NR3C1: variants seen among roughly 807,000 people sequenced by gnomAD.
The protein encoded by NR3C1 is nuclear receptor subfamily 3 group C member 1.
A neutral mutation model predicts 74.0 loss-of-function variants in NR3C1; 14 were observed. The ratio of observed to expected loss-of-function variants is 0.19; its 90% confidence interval spans 0.12 to 0.30. NR3C1 has a LOEUF of 0.30. Ranked by LOEUF, NR3C1 falls within the 10% of genes least tolerant of loss-of-function variation. NR3C1 has a pLI of 1.00. For missense variants in NR3C1, 695 were observed against 909.8 expected, an observed-to-expected ratio of 0.76 and a Z score of 3.04; for synonymous variants, 308 against 332.5, an observed-to-expected ratio of 0.93 and a Z score of 0.80.
intron 7 of NR3C1, chr5:143,294,831 A>T (rs945413587): frequency 1.4e-6 from 1 of 722,024 alleles, no homozygotes; most frequent in Non-Finnish European, 1.7e-6. Context: ...ATTTCTTTTT[A>T]GTCCTCAATA....
chr5:143,322,651 C>T (rs1823627104), intron 2 of NR3C1, among the ~76,000 whole-genome samples: 1 of 152,072 alleles, frequency 6.6e-6, no homozygotes, highest in African/African-American at 2.4e-5. Flanking sequence ...CCTAAAAAGA[C>T]ATTTATAAAA....
intron 7 of NR3C1, among the ~76,000 whole-genome samples, chr5:143,291,894 A>G (rs1022393259): frequency 2.6e-5 from 4 of 152,178 alleles, no homozygotes; most frequent in Admixed American, 1.3e-4. Flanking sequence ...CCTACTAATC[A>G]TAGGTATTGT....
At chr5:143,317,646 G>C (rs981927579) in intron 2 of NR3C1, among the ~76,000 whole-genome samples, 2 of 152,160 alleles carry the variant, frequency 1.3e-5, no homozygotes, top group Non-Finnish European at 2.9e-5. Flanking sequence ...CATAAAGCTA[G>C]ATATGTCTAC....
chr5:143,336,907 G>A (rs77019264), intron 2 of NR3C1, among the ~76,000 whole-genome samples: 1 of 151,764 alleles, frequency 6.6e-6, no homozygotes, highest in African/African-American at 2.4e-5. Context: ...GAACCCAGGA[G>A]GTGGAGGCTG....
Position 143,328,916 on chromosome 5 carries a change from C to G in NR3C1, c.1185-14748G>C, listed in dbSNP as rs374259842. On this transcript the variant is annotated intron_variant, in intron 2 of 8. Coordinates refer to ENST00000394464, the MANE Select transcript of NR3C1 (RefSeq NM_000176.3). The stretch of plus-strand genomic sequence containing the variant: ...AAACAAGTCTCTAGGACGTTCCAAA[C>G]TTTCCTATATCTTCCAGTTTTCTTC... Among the ~76,000 whole-genome samples, 13 of 152,350 alleles carry G rather than the reference C, an allele frequency of 8.5e-5. No homozygotes were observed. The East Asian group carries it at 2.1e-3, about 25-fold the overall frequency.
At chr5:143,335,064 C>T (rs541925363) in intron 2 of NR3C1, among the ~76,000 whole-genome samples, 1 of 152,334 alleles carries the variant, frequency 6.6e-6, no homozygotes, top group South Asian at 2.1e-4. Context: ...CTTCTTGACA[C>T]TGCAGGGAGT....
chr5:143,291,885 C>T (rs1431468946), intron 7 of NR3C1, among the ~76,000 whole-genome samples: 1 of 152,170 alleles, frequency 6.6e-6, no homozygotes, highest in Non-Finnish European at 1.5e-5. Context: ...AGCCTTTAAC[C>T]TACTAATCAT....
chr5:143,435,371 T>C, exon 1 of NR3C1: 1 of 985,424 alleles, frequency 1.0e-6, no homozygotes, highest in Non-Finnish European at 1.2e-6. Flanking sequence ...TAAAGAAGCG[T>C]GTTGCAATTT....
At chr5:143,423,078 A>AT (rs1751322455) in intron 1 of NR3C1, among the ~76,000 whole-genome samples, 1 of 152,146 alleles carries the variant, frequency 6.6e-6, no homozygotes, top group Admixed American at 6.6e-5. Context: ...CTGGCCAAAT[A>AT]TTTTTTGAAT....
chr5:143,400,074 T>G lies in NR3C1; in HGVS notation c.766A>C (p.Lys256Gln). The G allele has an allele frequency of 1.9e-6, 3 of 1,614,244 alleles. No individual in the cohort carries two copies. The highest frequency in any genetic ancestry group is 2.5e-6 in the Non-Finnish European group (3 of 1,180,042). ...KPLILPDTKP[K>Q]IKDNGDLVLS... The stretch of plus-strand genomic sequence containing the variant: ...ACCAGATCTCCATTATCCTTAATTT[T>G]GGGTTTAGTGTCCGGTAAAATGAGA... Residue 256 changes from lysine to glutamine, a missense_variant, in exon 2 of 9, where the codon AAA (lysine) becomes CAA (glutamine). This residue lies in a region of NR3C1 where 497 missense variants were observed against 489.5 expected (regional missense o/e 1.02). Coordinates refer to ENST00000394464, the MANE Select transcript of NR3C1 (RefSeq NM_000176.3).
intron 2 of NR3C1, among the ~76,000 whole-genome samples, chr5:143,318,314 G>T (rs1290698713): frequency 6.6e-6 from 1 of 152,012 alleles, no homozygotes; most frequent in Non-Finnish European, 1.5e-5. Context: ...GTTTTTTAAA[G>T]GTTTTAGTAT....
chr5:143,302,464 A>G (rs1375700885), intron 4 of NR3C1, among the ~76,000 whole-genome samples: 3 of 152,072 alleles, frequency 2.0e-5, no homozygotes, highest in Admixed American at 1.3e-4. Flanking sequence ...TGTAAAAGAG[A>G]ACACACATGT....
chr5:143,379,380 T>G (rs1835781757), intron 2 of NR3C1, among the ~76,000 whole-genome samples: 1 of 152,206 alleles, frequency 6.6e-6, no homozygotes, highest in South Asian at 2.1e-4. Context: ...AGCTGGAATC[T>G]GAACCTTTGT....
upstream of NR3C1, chr5:143,406,902 A>ATT (rs920461272): frequency 6.6e-6 from 1 of 152,222 alleles, no homozygotes; most frequent in African/African-American, 2.4e-5. Context: ...TAGCATTATA[A>ATT]TAATAACACA....
Position 143,332,327 on chromosome 5 carries a change from T to A in NR3C1, c.1185-18159A>T, listed in dbSNP as rs1039378791. 1.1e-4 allele frequency among the ~76,000 whole-genome samples: 15 copies of A among 134,260 alleles called. No individual in the cohort carries two copies. The East Asian group carries it at 1.4e-3, about 12-fold the overall frequency. The allele number at this position is 134,260 out of a possible 152,430, so 88.1% of individuals were successfully genotyped here. Reference sequence around the variant, plus strand: ...CACTTTGAGTGTTTTTTTTTTTTTTTAATCCATAACTTTCTGTAAGAACCA... The same window carrying A: ...CACTTTGAGTGTTTTTTTTTTTTTTAAATCCATAACTTTCTGTAAGAACCA... On this transcript the variant is annotated intron_variant, in intron 2 of 8. Coordinates refer to ENST00000394464, the MANE Select transcript of NR3C1 (RefSeq NM_000176.3).
At chr5:143,371,261 A>G (rs1834181984) in intron 2 of NR3C1, among the ~76,000 whole-genome samples, 1 of 152,252 alleles carries the variant, frequency 6.6e-6, no homozygotes, top group African/African-American at 2.4e-5. Flanking sequence ...TTATCTTGAA[A>G]AAAATTCACA....
intron 2 of NR3C1, among the ~76,000 whole-genome samples, chr5:143,384,885 C>CT (rs1836901344): frequency 6.6e-6 from 1 of 152,248 alleles, no homozygotes; most frequent in South Asian, 2.1e-4. Context: ...AGTGGGGTCT[C>CT]TGTGTGGGGG....
chr5:143,329,216 A>G (rs1825346273), intron 2 of NR3C1, among the ~76,000 whole-genome samples: 1 of 152,216 alleles, frequency 6.6e-6, no homozygotes, highest in Non-Finnish European at 1.5e-5. Context: ...TGGTGGCAGG[A>G]GAGAGAGAAA....
chr5:143,301,860 G>C (rs763233353), intron 4 of NR3C1, among the ~76,000 whole-genome samples: 4 of 152,074 alleles, frequency 2.6e-5, no homozygotes, highest in Non-Finnish European at 5.9e-5. Flanking sequence ...AGATATGGTG[G>C]TGGGAACGAT....
Sources: allele counts gnomAD v4.1 joint callset (sites outside exome capture counted in the v4.1 genomes callset), GRCh38; gene constraint gnomAD v4.1.1; regional missense constraint gnomAD v4.1.1; transcripts MANE v1.5; gene names NCBI Gene and HGNC (gene_info 2026-07-23, HGNC 2026-07-21).